Variants in AKR1C8 observed in about 807,000 individuals in gnomAD.
AKR1C8 encodes the protein aldo-keto reductase family 1 member C-like protein 1.
chr10:5,136,011 C>T, the AKR1C8 span, among the ~76,000 whole-genome samples: 1 of 152,092 alleles, frequency 6.6e-6, no homozygotes, highest in Non-Finnish European at 1.5e-5. Context: ...TATTAATTAA[C>T]AATGTCTGGT....
chr10:5,174,152 T>TA, the AKR1C8 span, among the ~76,000 whole-genome samples: 1 of 151,874 alleles, frequency 6.6e-6, no homozygotes, highest in Non-Finnish European at 1.5e-5. Context: ...TTCCTAGCCC[T>TA]GTTCTTAAAA....
the AKR1C8 span, among the ~76,000 whole-genome samples, chr10:5,150,414 AGATAT>A: frequency 6.6e-6 from 1 of 151,922 alleles, no homozygotes; most frequent in African/African-American, 2.4e-5. Flanking sequence ...ATATATACTA[AGATAT>A]ATCAGAATTA....
chr10:5,140,223 G>A, the AKR1C8 span, among the ~76,000 whole-genome samples: 1 of 152,200 alleles, frequency 6.6e-6, no homozygotes, highest in African/African-American at 2.4e-5. Context: ...TTCAACCACT[G>A]TGGAAGACAG....
chr10:5,134,521 G>A, the AKR1C8 span, among the ~76,000 whole-genome samples: 1 of 152,064 alleles, frequency 6.6e-6, no homozygotes, highest in African/African-American at 2.4e-5. Flanking sequence ...ATATTAACAT[G>A]GACCAAAAAT....
the AKR1C8 span, among the ~76,000 whole-genome samples, chr10:5,177,866 C>G: frequency 6.6e-6 from 1 of 152,076 alleles, no homozygotes; most frequent in Non-Finnish European, 1.5e-5. Flanking sequence ...TGATTCTTCT[C>G]TCTTTTCTTC....
At chr10:5,145,862 G>T in the AKR1C8 span, among the ~76,000 whole-genome samples, 1 of 152,058 alleles carries the variant, frequency 6.6e-6, no homozygotes, top group Non-Finnish European at 1.5e-5. Context: ...ATACCCAAAG[G>T]ATTATAAATC....
chr10:5,151,492 T>C, the AKR1C8 span, among the ~76,000 whole-genome samples: 1 of 151,784 alleles, frequency 6.6e-6, no homozygotes, highest in Admixed American at 6.6e-5. Flanking sequence ...TTTGTTTCCT[T>C]CTCTTTCACT....
At chr10:5,164,985 T>A in the AKR1C8 span, among the ~76,000 whole-genome samples, 5 of 152,186 alleles carry the variant, frequency 3.3e-5, no homozygotes, top group Non-Finnish European at 5.9e-5. Flanking sequence ...ATATTCTTAT[T>A]GGGTAAACTC....
chr10:5,180,040 G>A, the AKR1C8 span, among the ~76,000 whole-genome samples: 1 of 152,230 alleles, frequency 6.6e-6, no homozygotes, highest in Non-Finnish European at 1.5e-5. Flanking sequence ...TTTGGAGGAG[G>A]AGAGGCACTC....
At chr10:5,177,669 T>C in the AKR1C8 span, among the ~76,000 whole-genome samples, 1 of 152,216 alleles carries the variant, frequency 6.6e-6, no homozygotes, top group Non-Finnish European at 1.5e-5. Flanking sequence ...CTGTTATTGG[T>C]CTATTCAGAG....
the AKR1C8 span, among the ~76,000 whole-genome samples, chr10:5,136,469 C>T: frequency 6.6e-6 from 1 of 150,924 alleles, no homozygotes; most frequent in African/African-American, 2.4e-5. Flanking sequence ...ATAAGTTCAA[C>T]CTGGGAGGCA....
the AKR1C8 span, among the ~76,000 whole-genome samples, chr10:5,163,239 T>C: frequency 6.6e-6 from 1 of 152,316 alleles, no homozygotes; most frequent in African/African-American, 2.4e-5. Flanking sequence ...CCCTGGAGCA[T>C]GGAAAAATCA....
chr10:5,172,562 T>A, the AKR1C8 span, among the ~76,000 whole-genome samples: 1 of 152,092 alleles, frequency 6.6e-6, no homozygotes, highest in African/African-American at 2.4e-5. Context: ...CAAAGATTAT[T>A]TTGTTTGGGC....
At chr10:5,183,894 A>T in the AKR1C8 span, among the ~76,000 whole-genome samples, 1 of 152,204 alleles carries the variant, frequency 6.6e-6, no homozygotes, top group African/African-American at 2.4e-5. Context: ...CTCATATGAG[A>T]ACAAGAACCA....
the AKR1C8 span, chr10:5,122,115 T>C: frequency 7.9e-6 from 3 of 378,386 alleles, no homozygotes; most frequent in Non-Finnish European, 1.6e-5. Flanking sequence ...GAGATTTCCG[T>C]TGAGGCTGTC....
At chr10:5,176,457 G>T in the AKR1C8 span, among the ~76,000 whole-genome samples, 2 of 149,690 alleles carry the variant, frequency 1.3e-5, no homozygotes, top group African/African-American at 2.5e-5. Flanking sequence ...ACTTGTTGAT[G>T]CAGGCTCTTT....
chr10:5,176,410 G>C, the AKR1C8 span, among the ~76,000 whole-genome samples: 1 of 141,676 alleles, frequency 7.1e-6, no homozygotes, highest in Non-Finnish European at 1.6e-5. Context: ...GTCAGGTAGT[G>C]TGATGCCTCC....
the AKR1C8 span, among the ~76,000 whole-genome samples, chr10:5,149,997 C>A: frequency 4.6e-5 from 7 of 152,030 alleles, no homozygotes; most frequent in Non-Finnish European, 1.0e-4. Flanking sequence ...CAGAAAGAAT[C>A]AGCAGTAATT....
At chr10:5,179,456 C>A in the AKR1C8 span, among the ~76,000 whole-genome samples, 4 of 152,072 alleles carry the variant, frequency 2.6e-5, no homozygotes, top group African/African-American at 9.7e-5. Flanking sequence ...AATTATGTAT[C>A]TTGGAGTTGC....
Sources: gnomAD v4.1 joint callset for allele counts (sites outside exome capture counted in the v4.1 genomes callset) on GRCh38, gnomAD v4.1.1 for gene constraint, MANE v1.5 for transcripts, NCBI Gene and HGNC (gene_info 2026-07-23, HGNC 2026-07-21) for gene names.